The following CRAMP1 variants were observed in gnomAD, a reference collection of about 807,000 sequenced individuals.
CRAMP1 encodes protein cramped-like.
In CRAMP1, 50 loss-of-function variants were observed where a neutral mutation model predicts 115.4. The ratio of observed to expected loss-of-function variants is 0.43; its 90% CI spans 0.35 to 0.55. CRAMP1 has a LOEUF of 0.55. CRAMP1 is among the 20% of genes least tolerant of loss of function. CRAMP1 has a pLI of 0.01. For missense variants in CRAMP1, 1,679 were observed against 1,721.7 expected (o/e 0.98, Z 0.44); for synonymous variants, 866 against 745.4 (o/e 1.16, Z -2.64).
chr16:1,618,364 A>G (rs189938079), intron 2 of CRAMP1, among the ~76,000 whole-genome samples: 1 of 152,316 alleles, frequency 6.6e-6, no homozygotes, highest in East Asian at 1.9e-4. Flanking sequence ...TCTGCCATGA[A>G]AAATGCATGC....
At chr16:1,638,894 C>T (rs2036610085) in intron 5 of CRAMP1, among the ~76,000 whole-genome samples, 1 of 151,952 alleles carries the variant, frequency 6.6e-6, no homozygotes, top group African/African-American at 2.4e-5. Flanking sequence ...GCCCTGCCCT[C>T]CTGCACTTCC....
chr16:1,627,305 C>A (rs1001990277), intron 3 of CRAMP1, among the ~76,000 whole-genome samples: 1 of 152,148 alleles, frequency 6.6e-6, no homozygotes. Context: ...GCCGCCACAC[C>A]CAGCTAATTT....
Position 1,677,207 on chromosome 16 carries a change from C to A in CRAMP1, c.*3162C>A, listed in dbSNP as rs945933434. On this transcript the variant is annotated 3_prime_UTR_variant, in exon 21 of 21. Coordinates refer to ENST00000397412, the MANE Select transcript of CRAMP1 (RefSeq NM_020825.4). Reference sequence around the variant, plus strand: ...CCTGTAATCCCAGCACTTTGGGAGGCCGAGGCGGGCGGATCACCTGAGGTG... The same window carrying A: ...CCTGTAATCCCAGCACTTTGGGAGGACGAGGCGGGCGGATCACCTGAGGTG... 13 of 152,436 alleles carry A rather than the reference C, an allele frequency of 8.5e-5. No homozygotes were observed. The highest frequency in any genetic ancestry group is 7.9e-4 in the Admixed American group (12 of 15,280). 9.4% of individuals were successfully genotyped at this position (152,436 alleles called of 1,614,324 possible).
At chr16:1,632,998 G>A (rs1175597430) in intron 4 of CRAMP1, among the ~76,000 whole-genome samples, 1 of 152,184 alleles carries the variant, frequency 6.6e-6, no homozygotes, top group Non-Finnish European at 1.5e-5. Context: ...CAGCGCACCT[G>A]TGCTGGGCCC....
At chr16:1,637,630 T>C (rs1020694935) in intron 4 of CRAMP1, among the ~76,000 whole-genome samples, 194 bp from the exon 5 acceptor site, 2 of 152,234 alleles carry the variant, frequency 1.3e-5, no homozygotes, top group Non-Finnish European at 2.9e-5. Flanking sequence ...GTTTAACTTT[T>C]TATTTTGAAA....
intron 13 of CRAMP1, among the ~76,000 whole-genome samples, chr16:1,663,181 G>A (rs1046641860): frequency 2.0e-5 from 3 of 152,224 alleles, no homozygotes; most frequent in Non-Finnish European, 2.9e-5. Flanking sequence ...GTCAGCCAGA[G>A]CCCAGGCCTC....
intron 20 of CRAMP1, 93 bp from the exon 21 acceptor site, chr16:1,673,788 G>C: frequency 8.3e-7 from 1 of 1,198,022 alleles, no homozygotes; most frequent in Non-Finnish European, 1.2e-6. Context: ...AGCGGGAGTC[G>C]ATAGGAGCTT....
chr16:1,621,574 T>C (rs2036466283), intron 2 of CRAMP1, among the ~76,000 whole-genome samples: 1 of 152,134 alleles, frequency 6.6e-6, no homozygotes, highest in South Asian at 2.1e-4. Flanking sequence ...GCCTGGGGTG[T>C]GCTGTCTGGG....
chr16:1,624,417 C>CTT (rs35272341), intron 2 of CRAMP1, among the ~76,000 whole-genome samples: 10 of 143,238 alleles, frequency 7.0e-5, no homozygotes, highest in East Asian at 4.1e-4. Context: ...TTGGCTTTTG[C>CTT]TTTTTTTTTT....
chr16:1,670,133 G>T (rs1008498791), intron 19 of CRAMP1, among the ~76,000 whole-genome samples: 2 of 151,796 alleles, frequency 1.3e-5, no homozygotes, highest in Non-Finnish European at 2.9e-5. Flanking sequence ...GGTGTGGGGG[G>T]TGCATGCCTG....
Position 1,626,154 on chromosome 16 carries a change from G to A in CRAMP1, c.528G>A (p.Glu176=). The part of the protein sequence containing the change: ...WSTEDKNTFF[E]GLYEHGKDFE... ...CAGAGGACAAGAACACCTTCTTCGAGGGGCTGTACGAGGTGAGTAGGCTGT... is the reference window on the plus strand; with the variant it reads ...CAGAGGACAAGAACACCTTCTTCGAAGGGCTGTACGAGGTGAGTAGGCTGT... The change falls in exon 3 of 21, where the codon GAG becomes GAA. Residue 176 remains glutamate (E), a synonymous_variant. Transcript: ENST00000397412. The A allele has an allele frequency of 2.0e-6, 3 of 1,516,882 alleles. No homozygotes were observed. The highest frequency in any genetic ancestry group is 2.7e-6 in the Non-Finnish European group (3 of 1,127,114). The allele number at this position is 1,516,882 out of a possible 1,614,324, so 94.0% of individuals were successfully genotyped here.
chr16:1,634,727 G>T (rs994901339), intron 4 of CRAMP1, among the ~76,000 whole-genome samples: 1 of 152,156 alleles, frequency 6.6e-6, no homozygotes, highest in Non-Finnish European at 1.5e-5. Flanking sequence ...GTCTGCCTCC[G>T]TGCCAGCGGG....
Position 1,674,348 on chromosome 16 carries a change from T to G in CRAMP1, c.*303T>G. 2.7e-6 allele frequency: 1 copy of G among 374,062 alleles called. No homozygotes were observed. The allele number at this position is 374,062 out of a possible 1,614,324, so 23.2% of individuals were successfully genotyped here. A position where few individuals can be genotyped will look rare whatever the true frequency, so the allele number is the denominator to read the frequency against. On this transcript the variant is annotated 3_prime_UTR_variant, in exon 21 of 21. Transcript: ENST00000397412. Reference sequence around the variant, plus strand: ...CATTTCAGCCTGTGCTCTGCCTCGATTGTTGTGTTGGACATTCCGGTGGCA... The same window carrying G: ...CATTTCAGCCTGTGCTCTGCCTCGAGTGTTGTGTTGGACATTCCGGTGGCA...
chr16:1,622,101 CTGTACT>C (rs2036469955), intron 2 of CRAMP1, among the ~76,000 whole-genome samples: 1 of 152,214 alleles, frequency 6.6e-6, no homozygotes, highest in South Asian at 2.1e-4. Flanking sequence ...TTCGCTTGAG[CTGTACT>C]CAGTGAGCCG....
chr16:1,621,130 C>T (rs1206303746), intron 2 of CRAMP1, among the ~76,000 whole-genome samples: 10 of 152,140 alleles, frequency 6.6e-5, no homozygotes, highest in African/African-American at 1.2e-4. Context: ...CTACTCAGCC[C>T]GTGCCTCAGC....
chr16:1,671,371 C>T lies in CRAMP1; in HGVS notation c.3645+562C>T, dbSNP rs570401198. Among the ~76,000 whole-genome samples, 7 of 152,274 alleles carry T rather than the reference C, an allele frequency of 4.6e-5. No individual in the cohort carries two copies. Among genetic ancestry groups the T allele is most frequent in the East Asian group, 1.9e-4 (1 of 5,182 alleles). On this transcript the variant is annotated intron_variant, in intron 20 of 20. Coordinates refer to ENST00000397412, the MANE Select transcript of CRAMP1 (RefSeq NM_020825.4). The surrounding 1 kb of genome is among the most constrained non-coding windows in gnomAD (Gnocchi z 5.0). Reference sequence around the variant, plus strand: ...GCAGGTTCTTGAGGGGAAGGCGAAACGTGGTTTGTGACTCTCCACTTTTGA... The same window carrying T: ...GCAGGTTCTTGAGGGGAAGGCGAAATGTGGTTTGTGACTCTCCACTTTTGA...
intron 4 of CRAMP1, among the ~76,000 whole-genome samples, chr16:1,633,495 C>T (rs768076080): frequency 3.3e-5 from 5 of 152,382 alleles, no homozygotes; most frequent in East Asian, 1.9e-4. Flanking sequence ...TTGGTATCCA[C>T]GTGACCATTC....
Position 1,614,802 on chromosome 16 carries a change from G to T in CRAMP1, c.163G>T (p.Gly55Cys). 7.8e-7 allele frequency: 1 copy of T among 1,285,238 alleles called. No individual in the cohort carries two copies. The highest frequency in any genetic ancestry group is 9.8e-7 in the Non-Finnish European group (1 of 1,018,496). 79.6% of individuals were successfully genotyped at this position (1,285,238 alleles called of 1,614,324 possible). ...GAGGGACGAGAAGACCCCCCGGGCC[G>T]GCGCCGACGGCCCCCCCGCGCCCCC... ...TKRDEKTPRAGADGPPAPPGA... is the reference protein window; with the variant it reads ...TKRDEKTPRACADGPPAPPGA... Residue 55 changes from glycine to cysteine, a missense_variant, in exon 2 of 21, where the codon GGC becomes TGC. Around this residue, in one of 8 missense-constraint regions of CRAMP1, gnomAD observed 264 missense variants for 229.7 expected, o/e 1.15. Transcript: ENST00000397412. The surrounding 1 kb of genome is among the most constrained non-coding windows in gnomAD (Gnocchi z 4.4).
At chr16:1,670,984 G>A (rs577030113) in intron 20 of CRAMP1, among the ~76,000 whole-genome samples, 175 bp downstream of exon 20, 29 of 152,270 alleles carry the variant, frequency 1.9e-4, no homozygotes, top group African/African-American at 5.8e-4. Flanking sequence ...ATCTGGGGAC[G>A]CTGGGCCGGC....
Sources: gnomAD v4.1 joint callset for allele counts (sites outside exome capture counted in the v4.1 genomes callset) on GRCh38, gnomAD v4.1.1 for gene constraint, gnomAD v4.1.1 regional missense constraint, Gnocchi (gnomAD v3.1) non-coding constraint, MANE v1.5 for transcripts, NCBI Gene and HGNC (gene_info 2026-07-23, HGNC 2026-07-21) for gene names.